TRPA1: variants seen among roughly 807,000 people sequenced by gnomAD.
TRPA1 encodes transient receptor potential cation channel subfamily A member 1.
A neutral mutation model predicts 131.3 loss-of-function variants in TRPA1; 129 were observed. That is an observed-to-expected ratio of 0.98 (90% CI 0.85 to 1.14). TRPA1 has a LOEUF of 1.14. TRPA1 is among the 50% of genes most tolerant of loss of function. The probability of loss-of-function intolerance (pLI) is 0.00; values close to 1 mark genes in which losing one functional copy is unlikely to be tolerated. For missense variants in TRPA1, 1,304 were observed against 1,354.2 expected (o/e 0.96, Z 0.58); for synonymous variants, 441 against 451.7 (o/e 0.98, Z 0.30).
chr8:72,053,941 A>AT, intron 12 of TRPA1, 74 bp from the exon 13 acceptor site: 2 of 1,021,892 alleles, frequency 2.0e-6, no homozygotes, highest in Non-Finnish European at 3.0e-6. Flanking sequence ...CACTTGGCTT[A>AT]TTCTAGGTAA....
At chr8:72,056,834 A>C (rs549416217) in intron 10 of TRPA1, 83 bp downstream of exon 10, 66 of 963,758 alleles carry the variant, frequency 6.8e-5, no homozygotes, top group Admixed American at 3.2e-4. Flanking sequence ...AGTTTATATA[A>C]TAACAAAAAT....
chr8:72,089,134 G>A, the TRPA1 span, among the ~76,000 whole-genome samples: 2 of 152,056 alleles, frequency 1.3e-5, no homozygotes, highest in South Asian at 4.1e-4. Flanking sequence ...TTAATCAGAT[G>A]ATGAACTTAA....
chr8:72,078,709 C>A (rs1806233728), upstream of TRPA1, among the ~76,000 whole-genome samples: 1 of 151,998 alleles, frequency 6.6e-6, no homozygotes. Flanking sequence ...AATAATGCTG[C>A]TCTGAACATT....
intron 9 of TRPA1, among the ~76,000 whole-genome samples, chr8:72,057,222 A>T (rs1805691336): frequency 6.6e-6 from 1 of 152,010 alleles, no homozygotes; most frequent in Admixed American, 6.6e-5. Flanking sequence ...TGTATGTGTA[A>T]GTGGGGTAGA....
intron 25 of TRPA1, 54 bp downstream of exon 25, chr8:72,025,906 T>C (rs1811587850): frequency 3.4e-6 from 5 of 1,470,002 alleles, no homozygotes; most frequent in Non-Finnish European, 4.7e-6. Flanking sequence ...ACACAATGAA[T>C]GAATGTCAAA....
At chr8:72,051,742 T>G (rs567658595) in intron 14 of TRPA1, among the ~76,000 whole-genome samples, 85 of 152,308 alleles carry the variant, frequency 5.6e-4, no homozygotes, top group East Asian at 4.2e-3. Context: ...AAAGTGATAT[T>G]ATAAAGATAT....
Position 72,075,284 on chromosome 8 carries a change from G to C in TRPA1, c.111+15C>G. 1 of 1,604,608 alleles carries C rather than the reference G, an allele frequency of 6.2e-7. No individual in the cohort carries two copies. Among genetic ancestry groups the C allele is most frequent in the Non-Finnish European group, 8.5e-7 (1 of 1,172,328 alleles). ...CACGTCGGAACCCCTCCAGACCCGC[G>C]AGCCCCCAGAGTACCTTAAGCGATT... On this transcript the variant is annotated intron_variant, in intron 1 of 26. Coordinates refer to ENST00000262209, the MANE Select transcript of TRPA1 (RefSeq NM_007332.3).
At position 72,068,877 on chromosome 8, in the gene TRPA1, G is replaced by C. The variant is rs1163308168; in HGVS notation, c.444+146C>G. ...ATCATCATCATCATCATTAGTTAGT[G>C]AGAAGTAAAGCAAATGTAATAATTG... On this transcript the variant is annotated intron_variant, in intron 3 of 26. Transcript: ENST00000262209. 1.4e-5 allele frequency: 12 copies of C among 832,264 alleles called. No homozygotes were observed. The East Asian group carries it at 2.9e-4, about 20-fold the overall frequency. 51.6% of individuals were successfully genotyped at this position (832,264 alleles called of 1,614,324 possible). A position where few individuals can be genotyped will look rare whatever the true frequency, so the allele number is the denominator to read the frequency against.
In TRPA1 at chr8:72,026,437, C is replaced by T. The variant is rs146298799; in HGVS notation, c.2938-364G>A. Reference sequence around the variant, plus strand: ...AAGAAAAGGGTAGTTCATACTCTTGCGGTGTTGCAATACTACAAAATGTGC... The same window carrying T: ...AAGAAAAGGGTAGTTCATACTCTTGTGGTGTTGCAATACTACAAAATGTGC... On this transcript the variant is annotated intron_variant, in intron 24 of 26. Coordinates refer to ENST00000262209, the MANE Select transcript of TRPA1 (RefSeq NM_007332.3). Among the ~76,000 whole-genome samples the T allele has an allele frequency of 7.2e-5, 11 of 152,330 alleles. No homozygotes were observed. In the East Asian group the frequency reaches 2.1e-3, roughly 29 times the overall value.
rs552889847 is a variant in TRPA1, at chr8:72,034,197, T to C, written c.2685+51A>G. 5 of 1,509,060 alleles carry C rather than the reference T, an allele frequency of 3.3e-6. No individual in the cohort carries two copies. The South Asian group carries it at 6.2e-5, about 19-fold the overall frequency. The allele number at this position is 1,509,060 out of a possible 1,614,324, so 93.5% of individuals were successfully genotyped here. On this transcript the variant is annotated intron_variant, in intron 22 of 26. Transcript: ENST00000262209. ...CTATTTAGATTTAAATATAAATATA[T>C]ATTTCCATAATTCACAGCGACAAAA...
the TRPA1 span, among the ~76,000 whole-genome samples, chr8:72,082,585 A>G: frequency 6.6e-6 from 1 of 152,094 alleles, no homozygotes; most frequent in Non-Finnish European, 1.5e-5. Flanking sequence ...TTTGCTGGAT[A>G]TAGAAGTTTT....
chr8:72,057,783 G>A lies in TRPA1; in HGVS notation c.1027C>T (p.Arg343Cys), dbSNP rs372548303. The A allele has an allele frequency of 4.6e-5, 75 of 1,613,808 alleles. No individual in the cohort carries two copies. The highest frequency in any genetic ancestry group is 2.0e-4 in the Admixed American group (12 of 59,974). Reference sequence around the variant, plus strand: ...GCAGTTGCTAATATAAGTGGAGAGCGTCCTTCAGAATCGATCTTATTAATA... The same window carrying A: ...GCAGTTGCTAATATAAGTGGAGAGCATCCTTCAGAATCGATCTTATTAATA... ...ADINKIDSEG[R>C]SPLILATASA... is the part of the protein sequence containing the mutation. Residue 343 changes from arginine to cysteine, a missense_variant, in exon 9 of 27, where the codon CGC (arginine) becomes TGC (cysteine). By Grantham distance (180) the Arg-to-Cys change is radical. Coordinates refer to ENST00000262209, the MANE Select transcript of TRPA1 (RefSeq NM_007332.3).
chr8:72,069,441 A>G (rs1806007055), intron 2 of TRPA1, among the ~76,000 whole-genome samples: 1 of 152,222 alleles, frequency 6.6e-6, no homozygotes, highest in Non-Finnish European at 1.5e-5. Flanking sequence ...CATTAATAAG[A>G]AATAGATCCT....
intron 1 of TRPA1, among the ~76,000 whole-genome samples, chr8:72,074,279 T>G (rs572724687): frequency 6.6e-6 from 1 of 152,310 alleles, no homozygotes; most frequent in Admixed American, 6.5e-5. Context: ...AGTGGAATAT[T>G]ATGAAGCTGG....
At chr8:72,050,205 G>C (rs138882697) in intron 15 of TRPA1, among the ~76,000 whole-genome samples, 2 of 151,788 alleles carry the variant, frequency 1.3e-5, no homozygotes, top group Non-Finnish European at 2.9e-5. Context: ...TTGGTTTTCT[G>C]TCCTTGTGAC....
chr8:72,046,753 G>A lies in TRPA1; in HGVS notation c.1966-145C>T, dbSNP rs1272849921. 7.1e-6 allele frequency: 4 copies of A among 561,880 alleles called. No individual in the cohort carries two copies. In the East Asian group the frequency reaches 1.2e-4, roughly 16 times the overall value. 34.8% of individuals were successfully genotyped at this position (561,880 alleles called of 1,614,324 possible). ...TGAACAAAGTTGAGTTATTTCAAGTGGAGAAAGGAAATTAAGTTATTGCAT... is the reference window on the plus strand; with the variant it reads ...TGAACAAAGTTGAGTTATTTCAAGTAGAGAAAGGAAATTAAGTTATTGCAT... On this transcript the variant is annotated intron_variant, in intron 16 of 26. Coordinates refer to ENST00000262209, the MANE Select transcript of TRPA1 (RefSeq NM_007332.3).
rs141849202 is a variant in TRPA1 at position 72,028,905 on chromosome 8, A to G, written c.2937+996T>C. 2.2e-3 allele frequency among the ~76,000 whole-genome samples: 332 copies of G among 152,358 alleles called. 4 individuals are homozygous for G. Among genetic ancestry groups the G allele is most frequent in the African/African-American group, 7.2e-3 (298 of 41,592 alleles). The stretch of plus-strand genomic sequence containing the variant: ...GAGACAAGAGTGAATAGAAAGTTAT[A>G]TCATAACATGATTTTTCTCTCTCTC... On this transcript the variant is annotated intron_variant, in intron 24 of 26. Coordinates refer to ENST00000262209, the MANE Select transcript of TRPA1 (RefSeq NM_007332.3).
At chr8:72,044,328 T>G (rs1428723125) in intron 17 of TRPA1, among the ~76,000 whole-genome samples, 1 of 151,948 alleles carries the variant, frequency 6.6e-6, no homozygotes, top group Non-Finnish European at 1.5e-5. Flanking sequence ...ATAAAAAATA[T>G]GGAAAAATAT....
chr8:72,045,663 C>A (rs1812404618), intron 17 of TRPA1, among the ~76,000 whole-genome samples: 1 of 151,236 alleles, frequency 6.6e-6, no homozygotes, highest in Non-Finnish European at 1.5e-5. Context: ...AATATTTACA[C>A]AATTGTGGGC....
Sources: gnomAD v4.1 joint callset for allele counts (sites outside exome capture counted in the v4.1 genomes callset) on GRCh38, gnomAD v4.1.1 for gene constraint, MANE v1.5 for transcripts, NCBI Gene and HGNC (gene_info 2026-07-23, HGNC 2026-07-21) for gene names.